Variants in IGF1R observed in about 807,000 individuals in gnomAD.
The protein encoded by IGF1R is insulin like growth factor 1 receptor, also known as insulin-like growth factor 1 receptor.
A neutral mutation model predicts 144.6 loss-of-function variants in IGF1R; 44 were observed. That is an observed-to-expected ratio of 0.30 (90% confidence interval 0.24 to 0.39). The LOEUF (loss-of-function observed/expected upper bound fraction) is 0.39. Among genes scored for constraint, IGF1R ranks in the 10% least tolerant of loss-of-function variants. The pLI is 1.00. For missense variants in IGF1R, 1,355 were observed against 1,833.7 expected (o/e 0.74, Z 4.77); for synonymous variants, 795 against 722.8 (o/e 1.10, Z -1.60).
chr15:98,805,386 C>G (rs1016823438), intron 2 of IGF1R, among the ~76,000 whole-genome samples: 1 of 152,056 alleles, frequency 6.6e-6, no homozygotes, highest in Non-Finnish European at 1.5e-5. Context: ...GGATTGTTTT[C>G]CCTGAAGTGT....
chr15:98,941,247 C>A (rs920072681), intron 18 of IGF1R, among the ~76,000 whole-genome samples: 1 of 152,244 alleles, frequency 6.6e-6, no homozygotes, highest in African/African-American at 2.4e-5. Context: ...GCAGCACGTG[C>A]CTGGCACAGG....
At chr15:98,727,350 G>A (rs1180197874) in intron 2 of IGF1R, among the ~76,000 whole-genome samples, 1 of 152,116 alleles carries the variant, frequency 6.6e-6, no homozygotes, top group Non-Finnish European at 1.5e-5. Flanking sequence ...TTAGGCTCTT[G>A]GAAAGTGATT....
intron 3 of IGF1R, 149 bp from the exon 4 acceptor site, chr15:98,896,606 GAT>G (rs1596409560): frequency 1.3e-6 from 1 of 768,344 alleles, no homozygotes; most frequent in East Asian, 2.7e-5. Flanking sequence ...TTGGGGGTGA[GAT>G]ACCATGTGAC....
At position 98,649,520 on chromosome 15, in the gene IGF1R, CTTTTCTTTTTTTTTTTT is replaced by C; in HGVS notation, c.-57_-41del. The C allele has an allele frequency of 2.3e-6, 2 of 857,962 alleles. No individual in the cohort carries two copies. The highest frequency in any genetic ancestry group is 3.7e-5 in the South Asian group (2 of 54,516). 53.1% of individuals were successfully genotyped at this position (857,962 alleles called of 1,614,324 possible). On this transcript the variant is annotated 5_prime_UTR_variant, in exon 1 of 21. Coordinates refer to ENST00000650285, the MANE Select transcript of IGF1R (RefSeq NM_000875.5). ...TCCTTTCATTTCCTTTTTTTCTTTT[CTTTTCTTTTTTTTTTTT>C]TTTTTTTTTTTTGAGAAAGGGGAAT...
rs118113025 is a variant in IGF1R at position 98,807,728 on chromosome 15, A to T, written c.641-83597A>T. 2.0e-5 allele frequency among the ~76,000 whole-genome samples: 3 copies of T among 152,346 alleles called. No homozygotes were observed. The East Asian group carries it at 5.8e-4, about 29-fold the overall frequency. On this transcript the variant is annotated intron_variant, in intron 2 of 20. Coordinates refer to ENST00000650285, the MANE Select transcript of IGF1R (RefSeq NM_000875.5). ...CCTGGGCCATAGTGAAACACTGTGT[A>T]TGTGGAAGCCACTTCACTTTTGTCA...
At chr15:98,756,222 G>A (rs944642174) in intron 2 of IGF1R, among the ~76,000 whole-genome samples, 2 of 148,062 alleles carry the variant, frequency 1.4e-5, no homozygotes, top group Admixed American at 6.8e-5. Flanking sequence ...GCATCTAGAA[G>A]CATTTACATA....
In IGF1R at chr15:98,913,194, C is replaced by T. The variant is rs768475533; in HGVS notation, c.1740C>T (p.Tyr580=). Residue 580 remains tyrosine, a synonymous_variant, in exon 8 of 21, where the codon TAC becomes TAT. Transcript: ENST00000650285. ...AGCCCTGGACTCAGTACGCCGTTTA[C>T]GTCAAGGCTGTGACCCTCACCATGG... The part of the protein sequence containing the change: ...GLKPWTQYAV[Y]VKAVTLTMVE... 7.4e-6 allele frequency: 12 copies of T among 1,614,142 alleles called. No individual in the cohort carries two copies. The highest frequency in any genetic ancestry group is 3.3e-5 in the South Asian group (3 of 91,092).
intron 2 of IGF1R, among the ~76,000 whole-genome samples, chr15:98,869,452 T>TTTTTTTTG (rs1555454968): frequency 6.6e-6 from 1 of 151,156 alleles, no homozygotes; most frequent in African/African-American, 2.4e-5. Context: ...TTTTTTTTTT[T>TTTTTTTTG]AGACGGCGTT....
intron 2 of IGF1R, among the ~76,000 whole-genome samples, chr15:98,803,328 A>G (rs1397728492): frequency 6.6e-6 from 1 of 152,070 alleles, no homozygotes; most frequent in Non-Finnish European, 1.5e-5. Flanking sequence ...AGGTGCAGTA[A>G]AAAATATAGT....
intron 1 of IGF1R, among the ~76,000 whole-genome samples, chr15:98,672,043 T>C (rs2052906601): frequency 6.6e-6 from 1 of 152,216 alleles, no homozygotes; most frequent in African/African-American, 2.4e-5. Context: ...CAAGCAATAG[T>C]GAGTTGCTTA....
intron 17 of IGF1R, 93 bp from the exon 18 acceptor site, chr15:98,939,108 A>G: frequency 3.7e-6 from 4 of 1,072,278 alleles, no homozygotes; most frequent in Admixed American, 1.8e-5. Context: ...CGGTGCCCAG[A>G]TTGAACAAAG....
At chr15:98,732,837 C>G (rs1284680956) in intron 2 of IGF1R, among the ~76,000 whole-genome samples, 3 of 152,086 alleles carry the variant, frequency 2.0e-5, no homozygotes, top group Admixed American at 2.0e-4. Context: ...AAACACTGAC[C>G]TGGCTGCAGA....
chr15:98,869,300 AAAC>A (rs926256577), intron 2 of IGF1R, among the ~76,000 whole-genome samples: 7 of 150,654 alleles, frequency 4.6e-5, no homozygotes, highest in Non-Finnish European at 7.4e-5. Context: ...TAAAAAAAAC[AAAC>A]AACAACAACA....
intron 2 of IGF1R, among the ~76,000 whole-genome samples, chr15:98,806,526 C>G (rs2056475917): frequency 7.0e-6 from 1 of 143,882 alleles, no homozygotes; most frequent in African/African-American, 2.5e-5. Context: ...TAGTAGGAGA[C>G]TCTCTCTCTC....
chr15:98,917,325 G>A (rs1273089534), intron 10 of IGF1R, among the ~76,000 whole-genome samples: 2 of 152,232 alleles, frequency 1.3e-5, no homozygotes, highest in Non-Finnish European at 2.9e-5. Context: ...CAGAGTCTGT[G>A]CTGGAAAGGG....
intron 2 of IGF1R, among the ~76,000 whole-genome samples, chr15:98,749,594 ATTGT>A (rs1243993912): frequency 1.3e-5 from 2 of 152,192 alleles, no homozygotes; most frequent in South Asian, 2.1e-4. Flanking sequence ...ATGGTTACAA[ATTGT>A]TTGTGTGTTT....
chr15:98,708,174 C>T, intron 2 of IGF1R, 67 bp downstream of exon 2: 1 of 1,382,100 alleles, frequency 7.2e-7, no homozygotes, highest in Non-Finnish European at 1.0e-6. Context: ...CTTGACCTCC[C>T]TTCTCTTCTG....
intron 2 of IGF1R, among the ~76,000 whole-genome samples, chr15:98,741,722 C>T (rs1459404163): frequency 6.6e-6 from 1 of 152,116 alleles, no homozygotes; most frequent in Non-Finnish European, 1.5e-5. Context: ...GTTGGGTTTT[C>T]CCAGGAGATA....
At chr15:98,876,835 G>C (rs917584944) in intron 2 of IGF1R, among the ~76,000 whole-genome samples, 1 of 152,178 alleles carries the variant, frequency 6.6e-6, no homozygotes, top group Non-Finnish European at 1.5e-5. Context: ...GGGATACTCT[G>C]TTCTGCTCTC....
Sources: gnomAD v4.1 joint callset for allele counts (sites outside exome capture counted in the v4.1 genomes callset) on GRCh38, gnomAD v4.1.1 for gene constraint, MANE v1.5 for transcripts, NCBI Gene and HGNC (gene_info 2026-07-23, HGNC 2026-07-21) for gene names.